Variants in PDE10A observed in about 807,000 individuals in gnomAD.
PDE10A encodes cAMP and cAMP-inhibited cGMP 3',5'-cyclic phosphodiesterase 10A.
In PDE10A, 39 loss-of-function variants were observed where a neutral mutation model predicts 97.7. That is an observed-to-expected ratio of 0.40 (90% CI 0.31 to 0.52). The LOEUF (loss-of-function observed/expected upper bound fraction) is 0.52, where lower values mean the gene tolerates loss of function less well. PDE10A is among the 20% of genes least tolerant of loss of function. The pLI is 0.56. For synonymous variants in PDE10A, 371 were observed against 376.8 expected, an observed-to-expected ratio of 0.98 and a Z score of 0.18; for missense variants, 731 against 1,047.8, an observed-to-expected ratio of 0.70 and a Z score of 4.17.
intron 7 of PDE10A, among the ~76,000 whole-genome samples, chr6:165,431,927 C>T (rs1789606748): frequency 6.6e-6 from 1 of 152,088 alleles, no homozygotes; most frequent in African/African-American, 2.4e-5. Context: ...GAAAAGCAAT[C>T]TAATGACCAC....
At chr6:165,944,703 G>A (rs1022000605) in intron 1 of PDE10A, among the ~76,000 whole-genome samples, 9 of 152,206 alleles carry the variant, frequency 5.9e-5, no homozygotes, top group Admixed American at 5.2e-4. Flanking sequence ...CTAACTGCCT[G>A]TGGTATGCTG....
chr6:165,398,411 G>A (rs967733925), intron 13 of PDE10A, among the ~76,000 whole-genome samples: 1 of 151,478 alleles, frequency 6.6e-6, no homozygotes, highest in African/African-American at 2.4e-5. Flanking sequence ...AACCAGGGAG[G>A]CAAGAGGTGG....
chr6:165,800,729 C>T (rs1031924310), intron 1 of PDE10A, among the ~76,000 whole-genome samples: 28 of 152,308 alleles, frequency 1.8e-4, no homozygotes, highest in South Asian at 8.3e-4. Flanking sequence ...GGGCAAGGTA[C>T]GACTACAACG....
At chr6:165,669,370 G>C (rs1325249283) in intron 1 of PDE10A, among the ~76,000 whole-genome samples, 3 of 152,080 alleles carry the variant, frequency 2.0e-5, no homozygotes, top group Admixed American at 6.5e-5. Flanking sequence ...AGAAATTGGG[G>C]TTTAATTACT....
chr6:165,806,933 T>G (rs557361543), intron 1 of PDE10A, among the ~76,000 whole-genome samples: 2 of 152,334 alleles, frequency 1.3e-5, no homozygotes, highest in East Asian at 3.9e-4. Flanking sequence ...GTTATGTTTT[T>G]TCACTCAGTG....
chr6:165,382,939 T>C (rs770995165), intron 17 of PDE10A, among the ~76,000 whole-genome samples: 8 of 152,158 alleles, frequency 5.3e-5, no homozygotes, highest in Non-Finnish European at 1.0e-4. Flanking sequence ...CCAGTACAGG[T>C]AGTGTTGAAT....
chr6:165,821,115 CAG>C (rs1779556694), intron 1 of PDE10A, among the ~76,000 whole-genome samples: 1 of 152,200 alleles, frequency 6.6e-6, no homozygotes. Flanking sequence ...GTTGAGCAAA[CAG>C]AAGACAGCGG....
intron 1 of PDE10A, among the ~76,000 whole-genome samples, chr6:165,778,500 G>A (rs1778256645): frequency 1.3e-5 from 2 of 152,140 alleles, no homozygotes; most frequent in Admixed American, 1.3e-4. Context: ...TGTCTCCAAA[G>A]CTGCTCTGGA....
intron 1 of PDE10A, among the ~76,000 whole-genome samples, chr6:165,580,929 A>G (rs1193410798): frequency 1.3e-5 from 2 of 151,824 alleles, no homozygotes; most frequent in African/African-American, 4.8e-5. Flanking sequence ...TCTCCAACCC[A>G]ATGAGAAAGA....
intron 1 of PDE10A, among the ~76,000 whole-genome samples, chr6:165,739,111 C>T (rs75899711): frequency 6.6e-6 from 1 of 152,312 alleles, no homozygotes; most frequent in African/African-American, 2.4e-5. Flanking sequence ...ATTCCAATGG[C>T]ATTTTCCACA....
intron 1 of PDE10A, among the ~76,000 whole-genome samples, chr6:165,708,183 G>A (rs1791768306): frequency 6.6e-6 from 1 of 152,148 alleles, no homozygotes; most frequent in East Asian, 1.9e-4. Context: ...CGGCCACACT[G>A]CAGAGCCCCG....
At chr6:165,425,420 A>C (rs1789044432) in intron 10 of PDE10A, among the ~76,000 whole-genome samples, 1 of 152,174 alleles carries the variant, frequency 6.6e-6, no homozygotes, top group African/African-American at 2.4e-5. Flanking sequence ...TACACTATCA[A>C]TAGAATTCAA....
chr6:165,697,633 GTTCA>G (rs1403496941), intron 1 of PDE10A, among the ~76,000 whole-genome samples: 1 of 152,178 alleles, frequency 6.6e-6, no homozygotes, highest in Non-Finnish European at 1.5e-5. Flanking sequence ...TACTATACAA[GTTCA>G]TTTATATGAG....
chr6:165,670,001 T>G (rs1463966087), intron 1 of PDE10A, among the ~76,000 whole-genome samples: 1 of 152,204 alleles, frequency 6.6e-6, no homozygotes, highest in Non-Finnish European at 1.5e-5. Flanking sequence ...CCAGCCCAAG[T>G]ATGTGCACTA....
At chr6:165,352,993 CAAT>C (rs1344242146) in intron 18 of PDE10A, among the ~76,000 whole-genome samples, 1 of 151,972 alleles carries the variant, frequency 6.6e-6, no homozygotes, top group Non-Finnish European at 1.5e-5. Flanking sequence ...CAAAATTCAA[CAAT>C]AAGAAAACAC....
At position 165,636,993 on chromosome 6, in the gene PDE10A, A is replaced by G. The variant is rs969646777; in HGVS notation, c.865+24954T>C. Among the ~76,000 whole-genome samples, 7 of 152,190 alleles carry G rather than the reference A, an allele frequency of 4.6e-5. No homozygotes were observed. In the East Asian group the frequency reaches 1.4e-3, roughly 29 times the overall value. On this transcript the variant is annotated intron_variant, in intron 1 of 21. Transcript: ENST00000539869. Reference sequence around the variant, plus strand: ...TTGTCAGACTGTAAATGAAATCATCATGGAAATGAAAGAGCAGCTCATATG... The same window carrying G: ...TTGTCAGACTGTAAATGAAATCATCGTGGAAATGAAAGAGCAGCTCATATG...
chr6:165,413,765 TC>T (rs1351452489), intron 12 of PDE10A, 78 bp from the exon 13 acceptor site: 1 of 1,170,118 alleles, frequency 8.5e-7, no homozygotes, highest in African/African-American at 1.6e-5. Context: ...GTCATAAATC[TC>T]CCCTCAATCT....
chr6:165,877,469 T>C (rs1052267100), intron 1 of PDE10A, among the ~76,000 whole-genome samples: 15 of 152,348 alleles, frequency 9.8e-5, no homozygotes, highest in African/African-American at 2.9e-4. Flanking sequence ...GCCTGCCCCA[T>C]TCAGTTGTTC....
At chr6:165,735,566 C>A (rs937530788) in intron 1 of PDE10A, among the ~76,000 whole-genome samples, 8 of 152,060 alleles carry the variant, frequency 5.3e-5, no homozygotes, top group African/African-American at 1.9e-4. Context: ...GAAATGATGT[C>A]CCTGTTTGAG....
Sources: allele counts gnomAD v4.1 joint callset (sites outside exome capture counted in the v4.1 genomes callset), GRCh38; gene constraint gnomAD v4.1.1; transcripts MANE v1.5; gene names NCBI Gene and HGNC (gene_info 2026-07-23, HGNC 2026-07-21).